CAPN8: variants seen among roughly 807,000 people sequenced by gnomAD.
CAPN8 encodes calpain-8.
In CAPN8, 87 loss-of-function variants were observed where a neutral mutation model predicts 80.9. The observed-to-expected ratio is 1.07, with a 90% CI of 0.90 to 1.28. The LOEUF (loss-of-function observed/expected upper bound fraction) is 1.28, where lower values mean the gene tolerates loss of function less well. CAPN8 is among the 50% of genes most tolerant of loss of function. The pLI, the probability that CAPN8 is intolerant of heterozygous loss-of-function variation, is 0.00. For synonymous variants in CAPN8, 299 were observed against 273.8 expected, an observed-to-expected ratio of 1.09 and a Z score of -0.91; for missense variants, 757 against 702.0, an observed-to-expected ratio of 1.08 and a Z score of -0.89.
intron 10 of CAPN8, among the ~76,000 whole-genome samples, chr1:223,615,509 A>C (rs1307570955): frequency 6.6e-6 from 1 of 152,172 alleles, no homozygotes; most frequent in Admixed American, 6.5e-5. Context: ...CCATCACCCC[A>C]GCTCATGCCC....
At chr1:223,633,126 T>C (rs34944273) in intron 2 of CAPN8, among the ~76,000 whole-genome samples, 28,737 of 152,140 alleles carry the variant, frequency 0.19, 2,821 homozygotes, top group Middle Eastern at 0.22. Context: ...TTTCTTATTA[T>C]AAAAGAAGAA....
chr1:223,615,745 C>T, intron 10 of CAPN8: 1 of 666,352 alleles, frequency 1.5e-6, no homozygotes, highest in Non-Finnish European at 2.8e-6. Flanking sequence ...GTTAATGTAT[C>T]ACACATCTCA....
intron 1 of CAPN8, among the ~76,000 whole-genome samples, chr1:223,663,998 C>T (rs957454974): frequency 6.6e-6 from 1 of 152,202 alleles, no homozygotes; most frequent in Non-Finnish European, 1.5e-5. Flanking sequence ...TAGCCCCTCT[C>T]CTGAGACGTT....
chr1:223,637,865 G>A (rs1657944725), intron 2 of CAPN8, among the ~76,000 whole-genome samples: 1 of 152,166 alleles, frequency 6.6e-6, no homozygotes, highest in Non-Finnish European at 1.5e-5. Flanking sequence ...CTGAGTGTCT[G>A]GCAGCAATCA....
intron 18 of CAPN8, 194 bp from the exon 19 acceptor site, chr1:223,544,377 T>A (rs1656560667): frequency 1.5e-5 from 9 of 592,270 alleles, no homozygotes; most frequent in Middle Eastern, 4.3e-4. Context: ...TAGCTACTCC[T>A]CACCAAGATC....
intron 6 of CAPN8, among the ~76,000 whole-genome samples, chr1:223,623,634 C>T (rs969365989): frequency 5.9e-5 from 9 of 152,130 alleles, no homozygotes; most frequent in African/African-American, 2.2e-4. Flanking sequence ...CTGTGTATCC[C>T]CCAACTCACC....
intron 2 of CAPN8, among the ~76,000 whole-genome samples, chr1:223,631,548 C>A (rs926215695): frequency 6.6e-6 from 1 of 152,222 alleles, no homozygotes; most frequent in Admixed American, 6.5e-5. Flanking sequence ...CTCATCTCGG[C>A]ATCCCCAGCA....
intron 19 of CAPN8, among the ~76,000 whole-genome samples, 155 bp downstream of exon 19, chr1:223,543,912 G>A (rs1264323625): frequency 3.9e-5 from 6 of 152,130 alleles, no homozygotes; most frequent in African/African-American, 1.2e-4. Context: ...GCTGCCCCTC[G>A]CCCCCAAGGT....
intron 2 of CAPN8, among the ~76,000 whole-genome samples, chr1:223,636,978 G>T (rs1307344263): frequency 4.6e-5 from 7 of 152,038 alleles, no homozygotes; most frequent in Non-Finnish European, 8.8e-5. Context: ...ATCAAATTTT[G>T]GCATTCAAAG....
chr1:223,664,264 G>A (rs554881525), intron 1 of CAPN8, among the ~76,000 whole-genome samples: 8 of 152,274 alleles, frequency 5.3e-5, no homozygotes, highest in Non-Finnish European at 8.8e-5. Context: ...CCACTCACCA[G>A]CCCTGATGGA....
chr1:223,626,892 C>T (rs1165596890), intron 5 of CAPN8, 97 bp downstream of exon 5: 17 of 1,324,690 alleles, frequency 1.3e-5, no homozygotes, highest in East Asian at 2.5e-5. Flanking sequence ...TGACCCAAAG[C>T]CTTCCTAGGC....
At position 223,654,367 on chromosome 1, in the gene CAPN8, A is replaced by G; in HGVS notation, c.270T>C (p.Gly90=). 6.4e-7 allele frequency: 1 copy of G among 1,551,712 alleles called. No individual in the cohort carries two copies. The change falls in exon 2 of 21, where the codon GGT becomes GGC. Residue 90 remains glycine (G), a synonymous_variant. Transcript: ENST00000366872. ...GACAAATGTCTGTGCGCGTGGCTCC[A>G]CCAACGATAAACTGAGGGCTGGGAC... ...ELCPSPQFIV[G]GATRTDICQG...
intron 1 of CAPN8, among the ~76,000 whole-genome samples, chr1:223,661,485 T>G (rs1417235014): frequency 6.6e-6 from 1 of 152,132 alleles, no homozygotes; most frequent in Non-Finnish European, 1.5e-5. Context: ...TAAAAATTTG[T>G]TGGGCATTGT....
chr1:223,613,836 C>T (rs1374387502), intron 10 of CAPN8, among the ~76,000 whole-genome samples: 1 of 152,214 alleles, frequency 6.6e-6, no homozygotes, highest in African/African-American at 2.4e-5. Context: ...CCTGCAACCC[C>T]AGCTACTCCC....
At position 223,628,108 on chromosome 1, in the gene CAPN8, A is replaced by G. The variant is rs769525284; in HGVS notation, c.461T>C (p.Ile154Thr). Residue 154 changes from isoleucine (I) to threonine (T), a missense_variant, in exon 4 of 21, where the codon ATT (isoleucine) becomes ACT (threonine). Ile to Thr is a moderately conservative substitution (Grantham distance 89, BLOSUM62 -1). Coordinates refer to ENST00000366872, the MANE Select transcript of CAPN8 (RefSeq NM_001143962.2). ...WQYGEWVEVV[I>T]DDRLPTKNGQ... The stretch of plus-strand genomic sequence containing the variant: ...ATTCTTGGTGGGCAGCCTGTCGTCA[A>G]TGACCACCTCCACCCACTCTCCGTA... 15 of 1,551,070 alleles carry G rather than the reference A, an allele frequency of 9.7e-6. No homozygotes were observed. The highest frequency in any genetic ancestry group is 2.4e-5 in the East Asian group (1 of 40,912).
chr1:223,628,521 A>G, intron 3 of CAPN8, 141 bp downstream of exon 3: 1 of 651,416 alleles, frequency 1.5e-6, no homozygotes, highest in Non-Finnish European at 2.7e-6. Flanking sequence ...CTCAGACTGA[A>G]GTGTGCATCA....
intron 4 of CAPN8, among the ~76,000 whole-genome samples, chr1:223,627,390 A>G (rs1214485313): frequency 6.6e-6 from 1 of 152,098 alleles, no homozygotes; most frequent in East Asian, 1.9e-4. Flanking sequence ...CCTCCTTTAC[A>G]AAGCCAAGGG....
At chr1:223,645,296 A>T (rs1303160436) in intron 2 of CAPN8, among the ~76,000 whole-genome samples, 2 of 152,134 alleles carry the variant, frequency 1.3e-5, no homozygotes, top group African/African-American at 4.8e-5. Context: ...GCCCACCCAG[A>T]TTGAGGGTGG....
chr1:223,656,276 C>T (rs937333065), intron 1 of CAPN8, among the ~76,000 whole-genome samples: 2 of 151,970 alleles, frequency 1.3e-5, no homozygotes, highest in African/African-American at 2.4e-5. Flanking sequence ...TGAAACCATC[C>T]TAGCTAACAT....
Sources: allele counts gnomAD v4.1 joint callset (sites outside exome capture counted in the v4.1 genomes callset), GRCh38; gene constraint gnomAD v4.1.1; transcripts MANE v1.5; gene names NCBI Gene and HGNC (gene_info 2026-07-23, HGNC 2026-07-21).